The following RELN variants were observed in gnomAD, a reference collection of about 807,000 sequenced individuals.
RELN encodes reelin.
A neutral mutation model predicts 427.6 loss-of-function variants in RELN; 108 were observed. The observed-to-expected ratio is 0.25, with a 90% confidence interval of 0.22 to 0.30. The LOEUF (loss-of-function observed/expected upper bound fraction) is 0.30. Ranked by LOEUF, RELN falls within the 10% of genes least tolerant of loss-of-function variation. The pLI is 1.00. For synonymous variants in RELN, 1,524 were observed against 1,513.4 expected (o/e 1.01, Z -0.16); for missense variants, 3,715 against 4,302.8 (o/e 0.86, Z 3.82).
At chr7:103,774,098 C>G (rs1056021528) in intron 4 of RELN, among the ~76,000 whole-genome samples, 2 of 151,926 alleles carry the variant, frequency 1.3e-5, no homozygotes, top group Non-Finnish European at 2.9e-5. Context: ...GAGTTCAAGA[C>G]TAGCCTGGCC....
rs1831930067 is a variant in RELN at position 103,610,672 on chromosome 7, C to T, written c.3008+23G>A. On this transcript the variant is annotated intron_variant, in intron 22 of 64. Transcript: ENST00000428762. ...GGATAGTCAAAGTTAAAGTGACAGC[C>T]ATATCTAAAGATGTCATCTCACCAA... 4.5e-6 allele frequency: 5 copies of T among 1,105,218 alleles called. No individual in the cohort carries two copies. In the African/African-American group the frequency reaches 4.6e-5, roughly 10 times the overall value. The allele number at this position is 1,105,218 out of a possible 1,614,324, so 68.5% of individuals were successfully genotyped here. A position where few individuals can be genotyped will look rare whatever the true frequency, so the allele number is the denominator to read the frequency against.
chr7:103,557,459 A>G (rs1830550268), intron 37 of RELN, among the ~76,000 whole-genome samples: 1 of 152,218 alleles, frequency 6.6e-6, no homozygotes, highest in African/African-American at 2.4e-5. Flanking sequence ...TTCTACAGGC[A>G]TCACGATTTT....
chr7:103,707,591 T>C (rs988721082), intron 8 of RELN, among the ~76,000 whole-genome samples: 1 of 151,836 alleles, frequency 6.6e-6, no homozygotes, highest in Non-Finnish European at 1.5e-5. Flanking sequence ...CTTTGCTTCA[T>C]GGGTTCAAGC....
intron 24 of RELN, among the ~76,000 whole-genome samples, chr7:103,601,968 A>T (rs1831680105): frequency 6.6e-6 from 1 of 152,140 alleles, no homozygotes; most frequent in South Asian, 2.1e-4. Context: ...AGATGCCACC[A>T]GCAGCCACCA....
chr7:103,874,051 T>C (rs1229746379), intron 2 of RELN, among the ~76,000 whole-genome samples: 3 of 145,794 alleles, frequency 2.1e-5, no homozygotes, highest in Non-Finnish European at 4.6e-5. Flanking sequence ...GCTGGTTCAA[T>C]ATATGCAAAT....
At position 103,893,732 on chromosome 7, in the gene RELN, C is replaced by G. The variant is rs150708505; in HGVS notation, c.337+23343G>C. ...TGCAACCAAAGACATGCAAGTACAC[C>G]CTCACATAACCAAAAAAATTCAAGA... On this transcript the variant is annotated intron_variant, in intron 2 of 64. Transcript: ENST00000428762. Among the ~76,000 whole-genome samples the G allele has an allele frequency of 2.8e-3, 431 of 152,176 alleles. 8 individuals carry two copies. Among genetic ancestry groups the G allele is most frequent in the Admixed American group, 0.024 (370 of 15,264 alleles).
intron 56 of RELN, 28 bp from the exon 57 acceptor site, chr7:103,495,926 G>A (rs1477945275): frequency 4.3e-6 from 7 of 1,610,458 alleles, no homozygotes; most frequent in Non-Finnish European, 5.9e-6. Context: ...AAGCAATATG[G>A]CATATTATTC....
intron 1 of RELN, among the ~76,000 whole-genome samples, chr7:103,919,859 T>C (rs924024532): frequency 5.9e-5 from 9 of 152,172 alleles, no homozygotes; most frequent in African/African-American, 2.2e-4. Flanking sequence ...AGAAATAATA[T>C]GGGACATGAT....
intron 1 of RELN, among the ~76,000 whole-genome samples, chr7:103,938,065 A>G (rs1187974565): frequency 6.6e-6 from 1 of 152,140 alleles, no homozygotes; most frequent in Non-Finnish European, 1.5e-5. Flanking sequence ...TCATGCCTGT[A>G]ATCCCAGCTC....
intron 56 of RELN, 100 bp downstream of exon 56, chr7:103,496,426 A>G: frequency 1.4e-6 from 2 of 1,471,404 alleles, no homozygotes; most frequent in Non-Finnish European, 1.9e-6. Context: ...AGTATGGGCT[A>G]GGCACTCTTA....
chr7:103,797,662 T>A (rs1792341931), intron 3 of RELN, among the ~76,000 whole-genome samples: 1 of 152,184 alleles, frequency 6.6e-6, no homozygotes, highest in South Asian at 2.1e-4. Flanking sequence ...AATACAAAAA[T>A]TTCCAGGCAG....
At chr7:103,676,483 A>G (rs1011815769) in intron 11 of RELN, among the ~76,000 whole-genome samples, 12 of 152,194 alleles carry the variant, frequency 7.9e-5, no homozygotes, top group African/African-American at 2.9e-4. Flanking sequence ...ACAATGTGGC[A>G]ATTCCTCAAG....
At chr7:103,773,186 CTTTT>C (rs1289457915) in intron 4 of RELN, among the ~76,000 whole-genome samples, 4 of 134,522 alleles carry the variant, frequency 3.0e-5, no homozygotes, top group Non-Finnish European at 6.4e-5. Context: ...TTCCTTCTTT[CTTTT>C]CTTTCTTTCT....
At position 103,989,475 on chromosome 7, in the gene RELN, G is replaced by A; in HGVS notation, c.-119C>T. 1 of 894,148 alleles carries A rather than the reference G, an allele frequency of 1.1e-6. No homozygotes were observed. Among genetic ancestry groups the A allele is most frequent in the Non-Finnish European group, 1.5e-6 (1 of 652,206 alleles). The allele number at this position is 894,148 out of a possible 1,614,324, so 55.4% of individuals were successfully genotyped here. A position where few individuals can be genotyped will look rare whatever the true frequency, so the allele number is the denominator to read the frequency against. ...GGCGAGAAGAAGGCGGACGGGAGCGGAACGGGCTCGGGAGCGGGCCTGGGA... is the reference window on the plus strand; with the variant it reads ...GGCGAGAAGAAGGCGGACGGGAGCGAAACGGGCTCGGGAGCGGGCCTGGGA... On this transcript the variant is annotated 5_prime_UTR_variant, in exon 1 of 65. Coordinates refer to ENST00000428762, the MANE Select transcript of RELN (RefSeq NM_005045.4). The surrounding 1 kb of genome is among the most constrained non-coding windows in gnomAD (Gnocchi z 4.9).
At chr7:103,804,997 T>G (rs1346120762) in intron 3 of RELN, among the ~76,000 whole-genome samples, 1 of 152,070 alleles carries the variant, frequency 6.6e-6, no homozygotes, top group Non-Finnish European at 1.5e-5. Flanking sequence ...ATTTAATATC[T>G]AATCGGGTAT....
intron 10 of RELN, among the ~76,000 whole-genome samples, chr7:103,693,743 C>A (rs962282186): frequency 1.3e-5 from 2 of 151,980 alleles, no homozygotes; most frequent in African/African-American, 4.8e-5. Flanking sequence ...AGGAATGATG[C>A]TAGAGTTTTT....
Position 103,472,065 on chromosome 7 carries a change from A to C in RELN, c.*747T>G, listed in dbSNP as rs1388323470. ...TTAGTAAATCAGCCACAGAACACTT[A>C]AAAAAAGATCTTTAGACAAGGAAAT... On this transcript the variant is annotated 3_prime_UTR_variant, in exon 65 of 65. Transcript: ENST00000428762. 6.6e-6 allele frequency: 1 copy of C among 152,432 alleles called. No individual in the cohort carries two copies. The highest frequency in any genetic ancestry group is 1.9e-4 in the East Asian group (1 of 5,200). The allele number at this position is 152,432 out of a possible 1,614,324, so 9.4% of individuals were successfully genotyped here. A position where few individuals can be genotyped will look rare whatever the true frequency, so the allele number is the denominator to read the frequency against.
At chr7:103,506,977 A>C (rs1034118713) in intron 51 of RELN, among the ~76,000 whole-genome samples, 3 of 152,258 alleles carry the variant, frequency 2.0e-5, no homozygotes, top group African/African-American at 7.2e-5. Context: ...CGCAACAAGA[A>C]GAGCTAGCTG....
chr7:103,551,162 G>C lies in RELN; in HGVS notation c.6207C>G (p.Cys2069Trp), dbSNP rs979679623. Reference protein sequence around the residue: ...YHSSSHVSSLCSTEHHPSSTY... With the variant: ...YHSSSHVSSLWSTEHHPSSTY... ...TGCTGCTGGGGTGGTGCTCGGTGGA[G>C]CATAAAGAGCTGACGTGGCTGCTGC... is the stretch of plus-strand genomic sequence containing the variant. The change falls in exon 41 of 65, where the codon TGC becomes TGG. Residue 2069 changes from cysteine to tryptophan, a missense_variant. By Grantham distance (215) the Cys-to-Trp change is radical. Coordinates refer to ENST00000428762, the MANE Select transcript of RELN (RefSeq NM_005045.4). The C allele has an allele frequency of 6.2e-7, 1 of 1,613,972 alleles. No individual in the cohort carries two copies. The highest frequency in any genetic ancestry group is 8.5e-7 in the Non-Finnish European group (1 of 1,180,030).
Sources: gnomAD v4.1 joint callset for allele counts (sites outside exome capture counted in the v4.1 genomes callset) on GRCh38, gnomAD v4.1.1 for gene constraint, Gnocchi (gnomAD v3.1) non-coding constraint, MANE v1.5 for transcripts, NCBI Gene and HGNC (gene_info 2026-07-23, HGNC 2026-07-21) for gene names.